The following GRID2 variants were observed in gnomAD, a reference collection of about 807,000 sequenced individuals.
GRID2 encodes the protein glutamate ionotropic receptor delta type subunit 2.
GRID2 carries 33 observed loss-of-function variants against 114.8 expected under a neutral mutation model. The observed-to-expected ratio is 0.29, with a 90% CI of 0.22 to 0.38. GRID2 has a LOEUF of 0.38. Among genes scored for constraint, GRID2 ranks in the 10% least tolerant of loss-of-function variants. GRID2 has a pLI of 1.00. For synonymous variants in GRID2, 505 were observed against 449.9 expected (o/e 1.12, Z -1.55); for missense variants, 1,184 against 1,257.7 (o/e 0.94, Z 0.89).
At chr4:93,137,012 A>G (rs1360658449) in intron 4 of GRID2, among the ~76,000 whole-genome samples, 4 of 152,224 alleles carry the variant, frequency 2.6e-5, no homozygotes, top group Non-Finnish European at 5.9e-5. Context: ...GCAGACAAAA[A>G]TTAATATAGA....
At chr4:92,771,387 A>G (rs1405030984) in intron 2 of GRID2, among the ~76,000 whole-genome samples, 1 of 151,906 alleles carries the variant, frequency 6.6e-6, no homozygotes, top group East Asian at 1.9e-4. Context: ...GACTCCCTAT[A>G]TGGTTGTGAG....
chr4:93,074,826 G>A (rs932634372), intron 2 of GRID2, among the ~76,000 whole-genome samples: 2 of 152,144 alleles, frequency 1.3e-5, no homozygotes, highest in African/African-American at 4.8e-5. Context: ...TCAAATTTCA[G>A]GGGAATATTA....
At chr4:93,139,645 G>A (rs1157069001) in intron 4 of GRID2, among the ~76,000 whole-genome samples, 1 of 151,924 alleles carries the variant, frequency 6.6e-6, no homozygotes, top group Non-Finnish European at 1.5e-5. Flanking sequence ...GCCCCCGGAA[G>A]ACTTTTCCCT....
At chr4:93,493,610 G>A (rs1353588460) in intron 12 of GRID2, among the ~76,000 whole-genome samples, 3 of 151,356 alleles carry the variant, frequency 2.0e-5, no homozygotes, top group African/African-American at 7.3e-5. Flanking sequence ...TTTCTCTGAG[G>A]TTGCAGACTT....
rs771783912 is a variant in GRID2 at position 93,769,203 on chromosome 4, T to A, written c.2361-7T>A. ...TAATAACACATGCTTATGTTCTTTA[T>A]CCCAAGGATCCTGGAGCTTCAGCAG... On this transcript the variant is annotated splice_polypyrimidine_tract_variant and splice_region_variant and intron_variant, in intron 14 of 15. Transcript: ENST00000282020. The A allele has an allele frequency of 2.5e-6, 4 of 1,613,806 alleles. No homozygotes were observed. Among genetic ancestry groups the A allele is most frequent in the Non-Finnish European group, 3.4e-6 (4 of 1,179,766 alleles).
intron 2 of GRID2, among the ~76,000 whole-genome samples, chr4:92,949,954 T>A (rs1348030607): frequency 3.9e-5 from 6 of 152,102 alleles, no homozygotes; most frequent in Non-Finnish European, 8.8e-5. Context: ...AACCCATTTG[T>A]CTTTAGCTGT....
intron 2 of GRID2, among the ~76,000 whole-genome samples, chr4:92,688,745 A>G (rs1272190398): frequency 1.3e-5 from 2 of 152,068 alleles, no homozygotes; most frequent in African/African-American, 4.8e-5. Context: ...ACTTCCTCCA[A>G]ACTTCTTTTA....
At chr4:93,287,329 T>A (rs1290283438) in intron 8 of GRID2, among the ~76,000 whole-genome samples, 1 of 152,190 alleles carries the variant, frequency 6.6e-6, no homozygotes, top group Non-Finnish European at 1.5e-5. Flanking sequence ...CCTGAATTAC[T>A]TGTTTATCCA....
intron 14 of GRID2, among the ~76,000 whole-genome samples, chr4:93,644,428 T>C (rs1282073736): frequency 6.6e-6 from 1 of 152,144 alleles, no homozygotes; most frequent in African/African-American, 2.4e-5. Context: ...CTAAAAAAAA[T>C]CGTGAGATTT....
chr4:93,772,392 G>T lies in GRID2; in HGVS notation c.2918G>T (p.Gly973Val). ...GPFRHRAPNG[G>V]FFRSPIKTMS... ...TTTAGGCACAGGGCACCTAATGGGG[G>T]CTTTTTCAGGAGTCCTATAAAAACA... Residue 973 changes from glycine to valine, a missense_variant, in exon 16 of 16, where the codon GGC (glycine) becomes GTC (valine). Transcript: ENST00000282020. 1 of 1,613,870 alleles carries T rather than the reference G, an allele frequency of 6.2e-7. No homozygotes were observed. Among genetic ancestry groups the T allele is most frequent in the Non-Finnish European group, 8.5e-7 (1 of 1,179,858 alleles).
intron 14 of GRID2, among the ~76,000 whole-genome samples, chr4:93,681,220 A>T (rs1209683490): frequency 6.6e-6 from 1 of 151,518 alleles, no homozygotes; most frequent in African/African-American, 2.4e-5. Context: ...CCAACTTACA[A>T]GGGACGTGAA....
chr4:93,470,005 T>G (rs1724651779), intron 11 of GRID2, among the ~76,000 whole-genome samples: 1 of 152,150 alleles, frequency 6.6e-6, no homozygotes, highest in South Asian at 2.1e-4. Context: ...GTTCATTGAT[T>G]TTTAATTTTT....
intron 4 of GRID2, among the ~76,000 whole-genome samples, chr4:93,115,797 C>G (rs1733188364): frequency 6.6e-6 from 1 of 152,044 alleles, no homozygotes; most frequent in Non-Finnish European, 1.5e-5. Context: ...AAGACTTATT[C>G]ACTACCAAGA....
rs754331264 is a variant in GRID2, at chr4:93,110,876, C to T, written c.658C>T (p.Leu220=). 6.2e-7 allele frequency: 1 copy of T among 1,612,412 alleles called. No homozygotes were observed. The highest frequency in any genetic ancestry group is 8.5e-7 in the Non-Finnish European group (1 of 1,178,550). Residue 220 remains leucine (L), a synonymous_variant, in exon 4 of 16, where the codon CTG becomes TTG. Coordinates refer to ENST00000282020, the MANE Select transcript of GRID2 (RefSeq NM_001510.4). The part of the protein sequence containing the change: ...TLFDTMRIEE[L]NRYRDTLRRA... ...CTTTGACACCATGAGAATAGAAGAA[C>T]TGAATCGCTATCGAGACACTCTTAG...
intron 1 of GRID2, among the ~76,000 whole-genome samples, chr4:92,562,061 G>A (rs1727127770): frequency 6.6e-6 from 1 of 152,124 alleles, no homozygotes; most frequent in Non-Finnish European, 1.5e-5. Context: ...CTTTATCTCT[G>A]AGAAAGTTTG....
intron 1 of GRID2, among the ~76,000 whole-genome samples, chr4:92,369,712 A>G (rs1729030644): frequency 6.6e-6 from 1 of 152,196 alleles, no homozygotes; most frequent in Non-Finnish European, 1.5e-5. Flanking sequence ...GATCTTGGAA[A>G]GTTGTAGATT....
intron 4 of GRID2, among the ~76,000 whole-genome samples, chr4:93,179,379 A>T (rs1001700016): frequency 1.3e-5 from 2 of 152,202 alleles, no homozygotes; most frequent in African/African-American, 4.8e-5. Context: ...GTTAAAAATC[A>T]AATGAAATGT....
rs140801002 is a variant in GRID2, at chr4:92,441,387, C to G, written c.88+136643C>G. 4.4e-3 allele frequency among the ~76,000 whole-genome samples: 627 copies of G among 143,888 alleles called. 2 individuals are homozygous for G. Among genetic ancestry groups the G allele is most frequent in the African/African-American group, 9.8e-3 (381 of 38,832 alleles). The allele number at this position is 143,888 out of a possible 152,430, so 94.4% of individuals were successfully genotyped here. A position where few individuals can be genotyped will look rare whatever the true frequency, so the allele number is the denominator to read the frequency against. On this transcript the variant is annotated intron_variant, in intron 1 of 15. Coordinates refer to ENST00000282020, the MANE Select transcript of GRID2 (RefSeq NM_001510.4). ...GAGCTTGATGGGTGTCAGGGTCAGT[C>G]CAAGTGAAAGCGAAGAGAGGCTGGG...
intron 1 of GRID2, among the ~76,000 whole-genome samples, chr4:92,482,014 ATATATATATATATATATAT>A (rs1722632208): frequency 3.0e-5 from 2 of 66,588 alleles, no homozygotes; most frequent in Non-Finnish European, 7.1e-5. Context: ...ATATATATAT[ATATATATATATATATATAT>A]AAAATAACAA....
Sources: gnomAD v4.1 joint callset for allele counts (sites outside exome capture counted in the v4.1 genomes callset) on GRCh38, gnomAD v4.1.1 for gene constraint, MANE v1.5 for transcripts, NCBI Gene and HGNC (gene_info 2026-07-23, HGNC 2026-07-21) for gene names.